Variants in SYT6 observed in about 807,000 individuals in gnomAD.
SYT6 encodes the protein synaptotagmin-6.
A neutral mutation model predicts 38.4 loss-of-function variants in SYT6; 24 were observed. The ratio of observed to expected loss-of-function variants is 0.62; its 90% confidence interval spans 0.45 to 0.88. The LOEUF is 0.88. SYT6 is among the 40% of genes least tolerant of loss of function. The pLI, the probability that SYT6 is intolerant of heterozygous loss-of-function variation, is 0.00. For missense variants in SYT6, 611 were observed against 621.0 expected (o/e 0.98, Z 0.17); for synonymous variants, 265 against 241.9 (o/e 1.10, Z -0.89).
chr1:114,145,114 G>T (rs2101113191), intron 1 of SYT6, among the ~76,000 whole-genome samples: 1 of 152,190 alleles, frequency 6.6e-6, no homozygotes, highest in African/African-American at 2.4e-5. Context: ...ATGGGGTGAA[G>T]CTCGGGGCAG....
rs1467329049 is a variant in SYT6, at chr1:114,089,343, G to A, written c.*2791C>T. 6.5e-6 allele frequency: 1 copy of A among 152,782 alleles called. No homozygotes were observed. The highest frequency in any genetic ancestry group is 1.5e-5 in the Non-Finnish European group (1 of 68,052). The allele number at this position is 152,782 out of a possible 1,614,324, so 9.5% of individuals were successfully genotyped here. ...ATAAAAACTCCAGGCTGTGACACGG[G>A]TGGGAAGACACAAACGAGTAATTAA... On this transcript the variant is annotated 3_prime_UTR_variant, in exon 8 of 8. Transcript: ENST00000610222.
At chr1:114,135,634 G>A (rs1187364815) in intron 3 of SYT6, among the ~76,000 whole-genome samples, 2 of 152,198 alleles carry the variant, frequency 1.3e-5, no homozygotes, top group Non-Finnish European at 2.9e-5. Flanking sequence ...CTTGGATATG[G>A]AAAGGTGCAT....
chr1:114,139,737 C>A lies in SYT6; in HGVS notation c.390G>T (p.Ala130=), dbSNP rs769049879. The change falls in exon 2 of 8, where the codon GCG becomes GCT. Residue 130 remains alanine (A), a synonymous_variant. Coordinates refer to ENST00000610222, the MANE Select transcript of SYT6 (RefSeq NM_001253772.2). ...KDPSTLGFLE[A]AVKISHTSPD... Reference sequence around the variant, plus strand: ...GGGACGTGTGGCTGATCTTCACGGCCGCCTCCAGGAAGCCCAGGGTGCTGG... The same window carrying A: ...GGGACGTGTGGCTGATCTTCACGGCAGCCTCCAGGAAGCCCAGGGTGCTGG... 2.5e-6 allele frequency: 4 copies of A among 1,614,020 alleles called. No individual in the cohort carries two copies. The highest frequency in any genetic ancestry group is 2.2e-5 in the South Asian group (2 of 91,076).
intron 4 of SYT6, among the ~76,000 whole-genome samples, chr1:114,101,442 C>G (rs998269279): frequency 6.6e-6 from 1 of 152,156 alleles, no homozygotes; most frequent in African/African-American, 2.4e-5. Flanking sequence ...GTCATGGGAG[C>G]AATCAAAATC....
At chr1:114,101,398 GAC>G (rs1675960677) in intron 4 of SYT6, among the ~76,000 whole-genome samples, 1 of 152,114 alleles carries the variant, frequency 6.6e-6, no homozygotes. Flanking sequence ...TGAGGGAGGG[GAC>G]ACAAAGACCA....
At chr1:114,129,612 CT>C (rs1388196297) in intron 3 of SYT6, among the ~76,000 whole-genome samples, 1 of 61,412 alleles carries the variant, frequency 1.6e-5, no homozygotes, top group Admixed American at 1.9e-4. Flanking sequence ...TTCTTTCTTT[CT>C]TTCCTTTCTT....
chr1:114,109,376 A>T (rs1030946254), intron 3 of SYT6, among the ~76,000 whole-genome samples: 4 of 152,218 alleles, frequency 2.6e-5, no homozygotes, highest in African/African-American at 9.7e-5. Flanking sequence ...ATACTGGCTA[A>T]TGAACAAATG....
intron 3 of SYT6, among the ~76,000 whole-genome samples, chr1:114,127,159 C>G (rs1677793384): frequency 6.6e-6 from 1 of 152,172 alleles, no homozygotes; most frequent in Non-Finnish European, 1.5e-5. Flanking sequence ...CCCCCTGGAG[C>G]CAAGAACAGC....
intron 1 of SYT6, among the ~76,000 whole-genome samples, chr1:114,142,429 T>C (rs781177227): frequency 6.6e-6 from 1 of 152,090 alleles, no homozygotes; most frequent in Admixed American, 6.5e-5. Context: ...GATGAGTAAA[T>C]AAATTGTGGA....
chr1:114,123,468 T>A (rs1329823236), intron 3 of SYT6, among the ~76,000 whole-genome samples: 1 of 152,166 alleles, frequency 6.6e-6, no homozygotes, highest in African/African-American at 2.4e-5. Flanking sequence ...TCCCCTCTCC[T>A]TCTACAAAGC....
At chr1:114,128,617 G>A (rs962206469) in intron 3 of SYT6, among the ~76,000 whole-genome samples, 1 of 152,176 alleles carries the variant, frequency 6.6e-6, no homozygotes, top group African/African-American at 2.4e-5. Flanking sequence ...CAAGGCCGAT[G>A]ATAAGCTCCT....
chr1:114,145,757 A>G (rs1322469465), intron 1 of SYT6, among the ~76,000 whole-genome samples: 3 of 152,190 alleles, frequency 2.0e-5, no homozygotes, highest in Non-Finnish European at 4.4e-5. Context: ...TCCTTTGATC[A>G]TACATCTTAC....
At chr1:114,092,283 T>A (rs958817088) in intron 7 of SYT6, among the ~76,000 whole-genome samples, 2 of 149,652 alleles carry the variant, frequency 1.3e-5, no homozygotes, top group African/African-American at 5.0e-5. Flanking sequence ...CAAAAAGACC[T>A]ACTGCAGAGA....
At chr1:114,111,727 G>A (rs904946292) in intron 3 of SYT6, among the ~76,000 whole-genome samples, 3 of 57,442 alleles carry the variant, frequency 5.2e-5, no homozygotes, top group East Asian at 7.9e-4. Flanking sequence ...CAGGACTTCC[G>A]AGAGGAACCC....
chr1:114,133,067 CT>C (rs1177777312), intron 3 of SYT6, among the ~76,000 whole-genome samples: 1 of 152,202 alleles, frequency 6.6e-6, no homozygotes, highest in East Asian at 1.9e-4. Context: ...TCAGTCCAGG[CT>C]CTCTGGAAGT....
At chr1:114,110,047 C>T (rs1330722981) in intron 3 of SYT6, among the ~76,000 whole-genome samples, 1 of 152,144 alleles carries the variant, frequency 6.6e-6, no homozygotes, top group Non-Finnish European at 1.5e-5. Context: ...GAAACAGGGC[C>T]CCAGGCAAGG....
intron 4 of SYT6, among the ~76,000 whole-genome samples, 196 bp downstream of exon 4, chr1:114,103,405 C>T (rs1029169019): frequency 6.6e-6 from 1 of 152,244 alleles, no homozygotes; most frequent in Non-Finnish European, 1.5e-5. Context: ...TTATTACTCC[C>T]ACTTTTCAGA....
Position 114,139,671 on chromosome 1 carries a change from G to A in SYT6, c.456C>T (p.His152=), listed in dbSNP as rs761957579. The A allele has an allele frequency of 1.2e-6, 2 of 1,614,096 alleles. No homozygotes were observed. Among genetic ancestry groups the A allele is most frequent in the Admixed American group, 3.3e-5 (2 of 60,018 alleles). ...PAEVQMSVKE[H]IMRHTRLQRQ... ...GCTGCAGCCGGGTGTGACGCATGATGTGCTCCTTGACCGACATCTGCACCT... is the reference window on the plus strand; with the variant it reads ...GCTGCAGCCGGGTGTGACGCATGATATGCTCCTTGACCGACATCTGCACCT... Residue 152 remains histidine, a synonymous_variant, in exon 2 of 8, where the codon CAC becomes CAT. Transcript: ENST00000610222.
rs561217878 is a variant in SYT6 at position 114,091,900 on chromosome 1, C to T, written c.*234G>A. The T allele has an allele frequency of 2.0e-3, 2,182 of 1,088,428 alleles. 1 individual carries two copies. The highest frequency in any genetic ancestry group is 2.9e-3 in the Admixed American group (139 of 47,754). 67.4% of individuals were successfully genotyped at this position (1,088,428 alleles called of 1,614,324 possible). Reference sequence around the variant, plus strand: ...AGGAGCAGGTAAGACTCTGGAGTGACGGACGGCTGCCGCTGCTGCCGCCAC... The same window carrying T: ...AGGAGCAGGTAAGACTCTGGAGTGATGGACGGCTGCCGCTGCTGCCGCCAC... On this transcript the variant is annotated 3_prime_UTR_variant, in exon 8 of 8. Transcript: ENST00000610222.
Sources: allele counts gnomAD v4.1 joint callset (sites outside exome capture counted in the v4.1 genomes callset), GRCh38; gene constraint gnomAD v4.1.1; transcripts MANE v1.5; gene names NCBI Gene and HGNC (gene_info 2026-07-23, HGNC 2026-07-21).